The following MSANTD4 variants were observed in gnomAD, a reference collection of about 807,000 sequenced individuals.
MSANTD4 encodes myb/SANT-like DNA-binding domain-containing protein 4.
In MSANTD4, 13 loss-of-function variants were observed where a neutral mutation model predicts 34.3. The ratio of observed to expected loss-of-function variants is 0.38; its 90% CI spans 0.25 to 0.60. The LOEUF is 0.60. MSANTD4 is among the 20% of genes least tolerant of loss of function. MSANTD4 has a pLI of 0.63. For missense variants in MSANTD4, 358 were observed against 401.8 expected (o/e 0.89, Z 0.93); for synonymous variants, 137 against 145.2 (o/e 0.94, Z 0.41).
chr11:106,010,329 G>A (rs1355736322), intron 2 of MSANTD4, 127 bp downstream of exon 2: 5 of 1,412,272 alleles, frequency 3.5e-6, no homozygotes, highest in Admixed American at 2.7e-5. Flanking sequence ...GAGAAAAGCA[G>A]AATGACTTGT....
At chr11:106,011,260 A>C (rs750896145) in intron 1 of MSANTD4, among the ~76,000 whole-genome samples, 193 bp from the exon 2 acceptor site, 14 of 152,320 alleles carry the variant, frequency 9.2e-5, no homozygotes, top group Admixed American at 6.5e-5. Context: ...TGTGCTGCAA[A>C]GGTTCCTAAC....
chr11:106,010,948 A>G lies in MSANTD4; in HGVS notation c.-31T>C. 2 of 1,545,928 alleles carry G rather than the reference A, an allele frequency of 1.3e-6. No individual in the cohort carries two copies. Among genetic ancestry groups the G allele is most frequent in the Non-Finnish European group, 1.7e-6 (2 of 1,150,278 alleles). On this transcript the variant is annotated 5_prime_UTR_variant, in exon 2 of 3. Coordinates refer to ENST00000301919, the MANE Select transcript of MSANTD4 (RefSeq NM_032424.3). ...ATTTCAATGCAGTTTTTATGGTAAGAGATGTGAAAACAATTTGAGGAATGC... is the reference window on the plus strand; with the variant it reads ...ATTTCAATGCAGTTTTTATGGTAAGGGATGTGAAAACAATTTGAGGAATGC...
chr11:106,011,019 C>G lies in MSANTD4; in HGVS notation c.-102G>C. 1 of 1,437,916 alleles carries G rather than the reference C, an allele frequency of 7.0e-7. No individual in the cohort carries two copies. The highest frequency in any genetic ancestry group is 2.5e-5 in the East Asian group (1 of 40,250). The allele number at this position is 1,437,916 out of a possible 1,614,324, so 89.1% of individuals were successfully genotyped here. A position where few individuals can be genotyped will look rare whatever the true frequency, so the allele number is the denominator to read the frequency against. On this transcript the variant is annotated 5_prime_UTR_variant, in exon 2 of 3. An upstream open reading frame in the 5' UTR loses its in-frame stop. Coordinates refer to ENST00000301919, the MANE Select transcript of MSANTD4 (RefSeq NM_032424.3). ...GATAATTCTTTGCTGGCCCTTAGTT[C>G]AAATCATTGTCTTCCATTCATCTAG...
Position 106,010,901 on chromosome 11 carries a change from C to T in MSANTD4, c.17G>A (p.Arg6Lys). 1.3e-6 allele frequency: 2 copies of T among 1,593,276 alleles called. No homozygotes were observed. The highest frequency in any genetic ancestry group is 1.7e-6 in the Non-Finnish European group (2 of 1,170,172). MKQLK[R>K]KRKSNFSVQE... ...AACACTAAAATTGCTTTTCCTTTTTCTTTTCAACTGCTTCATTTTCAATTT... is the reference window on the plus strand; with the variant it reads ...AACACTAAAATTGCTTTTCCTTTTTTTTTTCAACTGCTTCATTTTCAATTT... The change falls in exon 2 of 3, where the codon AGA becomes AAA. Residue 6 changes from arginine to lysine, a missense_variant. By Grantham distance (26) the Arg-to-Lys change is conservative. Coordinates refer to ENST00000301919, the MANE Select transcript of MSANTD4 (RefSeq NM_032424.3).
At chr11:106,017,247 T>A (rs1859876947) in intron 1 of MSANTD4, among the ~76,000 whole-genome samples, 1 of 152,194 alleles carries the variant, frequency 6.6e-6, no homozygotes, top group Non-Finnish European at 1.5e-5. Flanking sequence ...TCTGTGTGTG[T>A]ACATGTTCAC....
rs566812881 is a variant in MSANTD4, at chr11:106,008,905, C to T, written c.*630G>A. The stretch of plus-strand genomic sequence containing the variant: ...AATAAAATACCTATAATCTTCATCA[C>T]TTCCTATATTCAATATACTACACAG... On this transcript the variant is annotated 3_prime_UTR_variant, in exon 3 of 3. Coordinates refer to ENST00000301919, the MANE Select transcript of MSANTD4 (RefSeq NM_032424.3). 6.6e-6 allele frequency: 1 copy of T among 152,320 alleles called. No individual in the cohort carries two copies. 9.4% of individuals were successfully genotyped at this position (152,320 alleles called of 1,614,324 possible). A position where few individuals can be genotyped will look rare whatever the true frequency, so the allele number is the denominator to read the frequency against.
chr11:106,011,651 A>G (rs935442985), intron 1 of MSANTD4, among the ~76,000 whole-genome samples: 1 of 152,128 alleles, frequency 6.6e-6, no homozygotes, highest in African/African-American at 2.4e-5. Flanking sequence ...AGTTCACTGC[A>G]AAGTTTCACA....
chr11:106,020,308 G>A (rs1859990037), intron 1 of MSANTD4, among the ~76,000 whole-genome samples: 1 of 152,176 alleles, frequency 6.6e-6, no homozygotes, highest in Non-Finnish European at 1.5e-5. Context: ...GTGCCAAGCA[G>A]CAAATCTTAC....
In MSANTD4 at chr11:106,021,731, C is replaced by G. The variant is rs1471134923; in HGVS notation, c.-920G>C. 1 of 152,166 alleles carries G rather than the reference C, an allele frequency of 6.6e-6. No individual in the cohort carries two copies. The highest frequency in any genetic ancestry group is 1.5e-5 in the Non-Finnish European group (1 of 68,080). 9.4% of individuals were successfully genotyped at this position (152,166 alleles called of 1,614,324 possible). ...TCGACGGTTATCAAAGTATCTTTCA[C>G]CTCCCTCCCGCTGCCTCCTTTGGGA... On this transcript the variant is annotated 5_prime_UTR_variant, in exon 1 of 3. Coordinates refer to ENST00000301919, the MANE Select transcript of MSANTD4 (RefSeq NM_032424.3).
intron 1 of MSANTD4, among the ~76,000 whole-genome samples, chr11:106,012,676 C>T (rs1859731693): frequency 6.6e-6 from 1 of 152,180 alleles, no homozygotes; most frequent in Admixed American, 6.5e-5. Flanking sequence ...GGCTCCTCTC[C>T]AGACTGGGAA....
In MSANTD4 at chr11:106,009,156, C is replaced by T. The variant is rs545437314; in HGVS notation, c.*379G>A. Reference sequence around the variant, plus strand: ...TTGCACAGTAGCAACCTTTTCCCCACCCCAGTTTTGACAACCCAACATGTC... The same window carrying T: ...TTGCACAGTAGCAACCTTTTCCCCATCCCAGTTTTGACAACCCAACATGTC... On this transcript the variant is annotated 3_prime_UTR_variant, in exon 3 of 3. Coordinates refer to ENST00000301919, the MANE Select transcript of MSANTD4 (RefSeq NM_032424.3). 6 of 172,434 alleles carry T rather than the reference C, an allele frequency of 3.5e-5. No homozygotes were observed. In the South Asian group the frequency reaches 9.1e-4, roughly 26 times the overall value. The allele number at this position is 172,434 out of a possible 1,614,324, so 10.7% of individuals were successfully genotyped here.
chr11:106,021,377 T>C lies in MSANTD4; in HGVS notation c.-566A>G, dbSNP rs554929542. The stretch of plus-strand genomic sequence containing the variant: ...ACTTACGTAATCCTTGTGAAGATGA[T>C]GTACTGCCAATGGCATAATATAACC... On this transcript the variant is annotated 5_prime_UTR_variant, in exon 1 of 3. Transcript: ENST00000301919. 1 of 152,358 alleles carries C rather than the reference T, an allele frequency of 6.6e-6. No individual in the cohort carries two copies. The highest frequency in any genetic ancestry group is 1.5e-5 in the Non-Finnish European group (1 of 68,032). The allele number at this position is 152,358 out of a possible 1,614,324, so 9.4% of individuals were successfully genotyped here. A position where few individuals can be genotyped will look rare whatever the true frequency, so the allele number is the denominator to read the frequency against.
chr11:106,013,502 C>T (rs1859758391), intron 1 of MSANTD4, among the ~76,000 whole-genome samples: 1 of 152,146 alleles, frequency 6.6e-6, no homozygotes, highest in Non-Finnish European at 1.5e-5. Context: ...GACTTACTAC[C>T]ACCAGGTTCC....
intron 1 of MSANTD4, among the ~76,000 whole-genome samples, chr11:106,012,974 GAC>G (rs1859739120): frequency 6.6e-6 from 1 of 152,154 alleles, no homozygotes; most frequent in African/African-American, 2.4e-5. Flanking sequence ...GTGAGTCAGG[GAC>G]TCGATTGTCT....
intron 1 of MSANTD4, among the ~76,000 whole-genome samples, chr11:106,019,836 C>T (rs1859976479): frequency 6.6e-6 from 1 of 152,210 alleles, no homozygotes; most frequent in African/African-American, 2.4e-5. Flanking sequence ...GTTGTGAATA[C>T]AGACTACCTA....
Position 106,009,880 on chromosome 11 carries a change from T to A in MSANTD4, c.693A>T (p.Glu231Asp), listed in dbSNP as rs148104888. The A allele has an allele frequency of 9.2e-5, 149 of 1,613,506 alleles. No individual in the cohort carries two copies. Among genetic ancestry groups the A allele is most frequent in the Non-Finnish European group, 1.2e-4 (139 of 1,179,908 alleles). ...GCCTCTCTTTCTCGATTTGTAGGCG[T>A]TCCTTTTCTACCTGCAGCCTTTCGG... ...IEAERLQVEK[E>D]RLQIEKERLR... Residue 231 changes from glutamate (E) to aspartate (D), a missense_variant, in exon 3 of 3, where the codon GAA (glutamate) becomes GAT (aspartate). Physicochemically the swap from Glu to Asp is conservative, Grantham distance 45. Transcript: ENST00000301919.
At position 106,010,049 on chromosome 11, in the gene MSANTD4, T is replaced by C. The variant is rs1323014274; in HGVS notation, c.524A>G (p.Asn175Ser). 84 of 1,599,996 alleles carry C rather than the reference T, an allele frequency of 5.3e-5. No individual in the cohort carries two copies. The highest frequency in any genetic ancestry group is 6.9e-5 in the Non-Finnish European group (81 of 1,179,648). The change falls in exon 3 of 3, where the codon AAT (asparagine) becomes AGT (serine). Residue 175 changes from asparagine to serine, a missense_variant. This residue lies in a region of MSANTD4 where 312 missense variants were observed against 317.6 expected (regional missense o/e 0.98). Coordinates refer to ENST00000301919, the MANE Select transcript of MSANTD4 (RefSeq NM_032424.3). ...AATGTGGGGGAAATCGGGAAGTTCATTTTCTCTCCTGGAATCTGGTATGAC... is the reference window on the plus strand; with the variant it reads ...AATGTGGGGGAAATCGGGAAGTTCACTTTCTCTCCTGGAATCTGGTATGAC... ...SSVIPDSRRENELPDFPHIDE... is the reference protein window; with the variant it reads ...SSVIPDSRRESELPDFPHIDE...
intron 1 of MSANTD4, among the ~76,000 whole-genome samples, chr11:106,020,110 T>C (rs1183756869): frequency 1.3e-5 from 2 of 152,160 alleles, no homozygotes; most frequent in East Asian, 3.9e-4. Flanking sequence ...AATGCAAATA[T>C]ACAAAAACTA....
In MSANTD4 at chr11:106,009,720, T is replaced by C; in HGVS notation, c.853A>G (p.Lys285Glu). Residue 285 changes from lysine (K) to glutamate (E), a missense_variant, in exon 3 of 3, where the codon AAA (lysine) becomes GAA (glutamate). Physicochemically the swap from Lys to Glu is moderately conservative, Grantham distance 56 (BLOSUM62 1). Coordinates refer to ENST00000301919, the MANE Select transcript of MSANTD4 (RefSeq NM_032424.3). ...ATGTCCTGTGGTTGAAGCATGGATT[T>C]TTCTCCTTGACCAAGTTCATTTTCC... ...SLENELGQGEKSMLQPQDIET... is the reference protein window; with the variant it reads ...SLENELGQGEESMLQPQDIET... 6.2e-7 allele frequency: 1 copy of C among 1,614,244 alleles called. No homozygotes were observed. Among genetic ancestry groups the C allele is most frequent in the East Asian group, 2.2e-5 (1 of 44,882 alleles).
Sources: allele counts gnomAD v4.1 joint callset (sites outside exome capture counted in the v4.1 genomes callset), GRCh38; gene constraint gnomAD v4.1.1; regional missense constraint gnomAD v4.1.1; transcripts MANE v1.5; gene names NCBI Gene and HGNC (gene_info 2026-07-23, HGNC 2026-07-21).